The following DCC variants were observed in gnomAD, a reference collection of about 807,000 sequenced individuals.
DCC encodes the protein DCC netrin 1 receptor, also known as netrin receptor DCC.
In DCC, 58 loss-of-function variants were observed where a neutral mutation model predicts 172.5. The ratio of observed to expected loss-of-function variants is 0.34; its 90% CI spans 0.27 to 0.42. The LOEUF is 0.42. Among genes scored for constraint, DCC ranks in the 10% least tolerant of loss-of-function variants. DCC has a pLI of 1.00. For missense variants in DCC, 1,740 were observed against 1,791.0 expected (o/e 0.97, Z 0.51); for synonymous variants, 709 against 644.5 (o/e 1.10, Z -1.52).
At chr18:52,881,157 TCTG>T (rs2039479954) in intron 2 of DCC, among the ~76,000 whole-genome samples, 1 of 152,150 alleles carries the variant, frequency 6.6e-6, no homozygotes, top group African/African-American at 2.4e-5. Context: ...TTTATTATCT[TCTG>T]AGAAATGTTT....
At chr18:53,094,798 A>G (rs1252260956) in intron 7 of DCC, among the ~76,000 whole-genome samples, 1 of 152,122 alleles carries the variant, frequency 6.6e-6, no homozygotes, top group Non-Finnish European at 1.5e-5. Context: ...ATTTCTAAAT[A>G]TCTATTTTTT....
chr18:53,463,941 A>AT (rs1249486515), intron 24 of DCC, among the ~76,000 whole-genome samples: 9 of 152,172 alleles, frequency 5.9e-5, no homozygotes, highest in Non-Finnish European at 1.2e-4. Flanking sequence ...TTGAGAGTTA[A>AT]TTTTTTATTT....
At chr18:53,142,585 C>A (rs1168369267) in intron 7 of DCC, among the ~76,000 whole-genome samples, 1 of 152,110 alleles carries the variant, frequency 6.6e-6, no homozygotes, top group Non-Finnish European at 1.5e-5. Flanking sequence ...ACAGTCCCTA[C>A]CCCTCTTTAA....
intron 15 of DCC, among the ~76,000 whole-genome samples, chr18:53,385,610 T>C (rs928865701): frequency 9.2e-5 from 14 of 152,214 alleles, no homozygotes; most frequent in African/African-American, 3.4e-4. Flanking sequence ...CTGGAACTGA[T>C]CTGCTGTGCT....
chr18:52,481,259 C>T (rs1249807646), intron 1 of DCC, among the ~76,000 whole-genome samples: 3 of 152,212 alleles, frequency 2.0e-5, no homozygotes, highest in Non-Finnish European at 2.9e-5. Flanking sequence ...TGTAGAGGTG[C>T]GTGCCAGCCT....
At chr18:53,169,269 C>T (rs1246859727) in intron 8 of DCC, among the ~76,000 whole-genome samples, 1 of 152,194 alleles carries the variant, frequency 6.6e-6, no homozygotes, top group Non-Finnish European at 1.5e-5. Flanking sequence ...TTCCAAGACA[C>T]TTTAATCAAG....
At chr18:53,279,660 A>C (rs1222328436) in intron 12 of DCC, among the ~76,000 whole-genome samples, 2 of 151,896 alleles carry the variant, frequency 1.3e-5, no homozygotes, top group Non-Finnish European at 2.9e-5. Context: ...AAAAAAAAAA[A>C]AAAACCTGTG....
intron 2 of DCC, among the ~76,000 whole-genome samples, chr18:52,770,775 C>T (rs1284654233): frequency 6.6e-6 from 1 of 152,156 alleles, no homozygotes; most frequent in Non-Finnish European, 1.5e-5. Context: ...AGAACAAGGA[C>T]TTGGTGAGTC....
chr18:52,900,802 G>A (rs950840392), intron 2 of DCC, among the ~76,000 whole-genome samples: 1 of 152,294 alleles, frequency 6.6e-6, no homozygotes, highest in Admixed American at 6.5e-5. Context: ...AGCATCTTGG[G>A]CCAGTCTAGG....
rs189301872 is a variant in DCC, at chr18:52,647,137, G to A, written c.92-104917G>A. Among the ~76,000 whole-genome samples the A allele has an allele frequency of 4.1e-3, 626 of 152,270 alleles. 6 individuals carry two copies. Among genetic ancestry groups the A allele is most frequent in the Non-Finnish European group, 6.9e-3 (467 of 68,034 alleles). ...ATGTAGTCAATAGTAGAAACTCTCAGTATTGACCTTCTCATCTGAACATGC... is the reference window on the plus strand; with the variant it reads ...ATGTAGTCAATAGTAGAAACTCTCAATATTGACCTTCTCATCTGAACATGC... On this transcript the variant is annotated intron_variant, in intron 1 of 28. Coordinates refer to ENST00000442544, the MANE Select transcript of DCC (RefSeq NM_005215.4).
chr18:52,814,748 A>G (rs2038261253), intron 2 of DCC, among the ~76,000 whole-genome samples: 1 of 152,208 alleles, frequency 6.6e-6, no homozygotes, highest in African/African-American at 2.4e-5. Context: ...AAACTCAGTT[A>G]TGATGGGAAA....
intron 12 of DCC, among the ~76,000 whole-genome samples, chr18:53,249,778 G>A (rs538035749): frequency 6.6e-6 from 1 of 151,990 alleles, no homozygotes; most frequent in East Asian, 1.9e-4. Flanking sequence ...GCAACCATGT[G>A]GTTGTATATA....
intron 1 of DCC, among the ~76,000 whole-genome samples, chr18:52,457,257 G>C (rs1221244776): frequency 6.6e-6 from 1 of 152,160 alleles, no homozygotes; most frequent in Non-Finnish European, 1.5e-5. Context: ...TCACAAACGA[G>C]AGGCATCTCA....
intron 12 of DCC, among the ~76,000 whole-genome samples, chr18:53,296,235 C>T (rs1319184947): frequency 1.3e-5 from 2 of 152,114 alleles, no homozygotes; most frequent in African/African-American, 4.8e-5. Context: ...ATTCTTTCTA[C>T]CTGGCACCCT....
intron 22 of DCC, among the ~76,000 whole-genome samples, chr18:53,436,135 C>G (rs1911925589): frequency 6.6e-6 from 1 of 152,110 alleles, no homozygotes; most frequent in Admixed American, 6.5e-5. Flanking sequence ...TATAAGTGCT[C>G]TAATTTGATG....
intron 1 of DCC, among the ~76,000 whole-genome samples, chr18:52,699,703 C>T (rs2036075321): frequency 6.6e-6 from 1 of 152,134 alleles, no homozygotes; most frequent in South Asian, 2.1e-4. Context: ...CAGAAAAGTT[C>T]ATACCTTTTT....
At chr18:53,045,562 CAT>C (rs1367870108) in intron 5 of DCC, among the ~76,000 whole-genome samples, 1 of 151,760 alleles carries the variant, frequency 6.6e-6, no homozygotes, top group Non-Finnish European at 1.5e-5. Flanking sequence ...ACATATGCTG[CAT>C]ATGTTTATTT....
intron 1 of DCC, among the ~76,000 whole-genome samples, chr18:52,402,819 A>G (rs1265299970): frequency 1.3e-5 from 2 of 152,004 alleles, no homozygotes; most frequent in South Asian, 2.1e-4. Context: ...TGGTTGGAGG[A>G]GGAATACTAA....
intron 1 of DCC, among the ~76,000 whole-genome samples, chr18:52,436,140 C>T (rs1987787893): frequency 6.6e-6 from 1 of 152,210 alleles, no homozygotes; most frequent in African/African-American, 2.4e-5. Flanking sequence ...AAAGAGAAAA[C>T]ACAAGGACTG....
Sources: allele counts gnomAD v4.1 joint callset (sites outside exome capture counted in the v4.1 genomes callset), GRCh38; gene constraint gnomAD v4.1.1; transcripts MANE v1.5; gene names NCBI Gene and HGNC (gene_info 2026-07-23, HGNC 2026-07-21).